RIMS1: variants seen among roughly 807,000 people sequenced by gnomAD.
The protein encoded by RIMS1 is regulating synaptic membrane exocytosis 1, also known as regulating synaptic membrane exocytosis protein 1.
Under a neutral mutation model 214.1 loss-of-function variants are expected in RIMS1, and 83 were observed. The observed-to-expected ratio is 0.39, with a 90% CI of 0.32 to 0.47. The LOEUF is 0.47. Ranked by LOEUF, RIMS1 falls within the 20% of genes least tolerant of loss-of-function variation. The probability of loss-of-function intolerance (pLI) is 0.99; values close to 1 mark genes in which losing one functional copy is unlikely to be tolerated. For missense variants in RIMS1, 2,050 were observed against 2,161.8 expected (o/e 0.95, Z 1.03); for synonymous variants, 793 against 786.8 (o/e 1.01, Z -0.13).
chr6:72,375,847 C>T (rs1172581305), intron 29 of RIMS1, among the ~76,000 whole-genome samples: 1 of 152,156 alleles, frequency 6.6e-6, no homozygotes, highest in African/African-American at 2.4e-5. Context: ...TGTTTGTAAT[C>T]TTTGCCTACT....
chr6:72,047,243 C>T (rs1823329654), intron 2 of RIMS1, among the ~76,000 whole-genome samples: 1 of 152,138 alleles, frequency 6.6e-6, no homozygotes, highest in African/African-American at 2.4e-5. Flanking sequence ...ATAAGCTCAT[C>T]AGACATAACT....
intron 1 of RIMS1, among the ~76,000 whole-genome samples, chr6:71,952,020 G>C (rs936543139): frequency 3.3e-5 from 5 of 152,300 alleles, no homozygotes; most frequent in Admixed American, 2.0e-4. Context: ...CAGATGAAGT[G>C]TTAAAAGACA....
chr6:72,182,193 A>T (rs2048500039), intron 5 of RIMS1, 91 bp from the exon 6 acceptor site: 20 of 1,352,544 alleles, frequency 1.5e-5, no homozygotes, highest in Non-Finnish European at 2.0e-5. Flanking sequence ...ATTGTAACTG[A>T]AATGATTTAA....
intron 4 of RIMS1, among the ~76,000 whole-genome samples, chr6:72,145,328 T>A (rs1298709916): frequency 6.6e-6 from 1 of 152,112 alleles, no homozygotes; most frequent in Non-Finnish European, 1.5e-5. Flanking sequence ...GAAAGTGACA[T>A]TTTTGGCCAG....
At chr6:72,210,383 C>T (rs977208441) in intron 6 of RIMS1, among the ~76,000 whole-genome samples, 2 of 152,116 alleles carry the variant, frequency 1.3e-5, no homozygotes, top group Non-Finnish European at 2.9e-5. Flanking sequence ...TGGTAACGTG[C>T]CTTGTTATTT....
At chr6:72,215,335 A>G (rs924704145) in intron 6 of RIMS1, among the ~76,000 whole-genome samples, 1 of 152,196 alleles carries the variant, frequency 6.6e-6, no homozygotes, top group African/African-American at 2.4e-5. Flanking sequence ...TGCACCTCCA[A>G]CAAGTCACGA....
chr6:71,948,033 GATAA>G (rs1403832335), intron 1 of RIMS1, among the ~76,000 whole-genome samples: 1 of 152,012 alleles, frequency 6.6e-6, no homozygotes, highest in Admixed American at 6.6e-5. Context: ...ATTCAAGGTG[GATAA>G]ATGAATGTGT....
At chr6:72,233,548 A>G (rs1017446205) in intron 6 of RIMS1, among the ~76,000 whole-genome samples, 2 of 149,594 alleles carry the variant, frequency 1.3e-5, no homozygotes, top group Admixed American at 6.7e-5. Context: ...AGACTGATTT[A>G]TGAGAGAAAA....
At chr6:71,948,297 A>T (rs1406944657) in intron 1 of RIMS1, among the ~76,000 whole-genome samples, 1 of 152,132 alleles carries the variant, frequency 6.6e-6, no homozygotes, top group Non-Finnish European at 1.5e-5. Flanking sequence ...ACTTGCTAGG[A>T]TTATGCTTCT....
chr6:72,303,817 T>TA (rs1209579276), intron 26 of RIMS1, among the ~76,000 whole-genome samples: 1 of 151,530 alleles, frequency 6.6e-6, no homozygotes, highest in Non-Finnish European at 1.5e-5. Context: ...ATAAGGCACA[T>TA]AATTCAGTTG....
chr6:72,216,414 C>G (rs2056051623), intron 6 of RIMS1: 1 of 984,274 alleles, frequency 1.0e-6, no homozygotes, highest in Non-Finnish European at 1.2e-6. Flanking sequence ...TGGAGATGAG[C>G]CACCGTTAGC....
At chr6:72,252,643 G>A in intron 15 of RIMS1, 118 bp from the exon 16 acceptor site, 1 of 757,132 alleles carries the variant, frequency 1.3e-6, no homozygotes, top group South Asian at 1.5e-5. Flanking sequence ...TACTGTATTA[G>A]TCTTCATAAG....
At position 72,159,086 on chromosome 6, in the gene RIMS1, A is replaced by C. The variant is rs1316930189; in HGVS notation, c.472-20489A>C. Among the ~76,000 whole-genome samples the C allele has an allele frequency of 1.4e-5, 2 of 140,414 alleles. 1 individual carries two copies. The highest frequency in any genetic ancestry group is 3.2e-5 in the Non-Finnish European group (2 of 61,768). The allele number at this position is 140,414 out of a possible 152,430, so 92.1% of individuals were successfully genotyped here. On this transcript the variant is annotated intron_variant, in intron 4 of 33. Coordinates refer to ENST00000521978, the MANE Select transcript of RIMS1 (RefSeq NM_014989.7). ...TGTTTCCTGACTTTCTAATGATCGC[A>C]ATTCTAACTGGTGTGAGATGGTATC...
chr6:72,311,172 A>G (rs1447555128), intron 27 of RIMS1, among the ~76,000 whole-genome samples: 1 of 152,208 alleles, frequency 6.6e-6, no homozygotes, highest in Non-Finnish European at 1.5e-5. Flanking sequence ...AACAGGGATT[A>G]TTTCATATTC....
At chr6:72,285,317 A>G (rs1300179299) in intron 24 of RIMS1, among the ~76,000 whole-genome samples, 8 of 152,154 alleles carry the variant, frequency 5.3e-5, no homozygotes, top group Non-Finnish European at 1.2e-4. Flanking sequence ...GGCTATCTCA[A>G]TAGGCCTAGT....
intron 1 of RIMS1, among the ~76,000 whole-genome samples, chr6:71,914,590 G>C (rs1325561038): frequency 2.0e-5 from 3 of 152,032 alleles, no homozygotes; most frequent in Non-Finnish European, 4.4e-5. Flanking sequence ...TTTATATTTA[G>C]AGTAATTCAG....
chr6:72,338,230 C>A (rs2096915587), intron 29 of RIMS1, among the ~76,000 whole-genome samples: 1 of 151,842 alleles, frequency 6.6e-6, no homozygotes, highest in Non-Finnish European at 1.5e-5. Context: ...GTTCCTATTT[C>A]TCCACATCCT....
chr6:71,957,175 G>A (rs537884045), intron 1 of RIMS1, among the ~76,000 whole-genome samples: 2 of 152,200 alleles, frequency 1.3e-5, no homozygotes, highest in African/African-American at 4.8e-5. Flanking sequence ...TTAGGTCTCT[G>A]GAATATATGC....
At position 72,183,161 on chromosome 6, in the gene RIMS1, G is replaced by A; in HGVS notation, c.1678+12G>A. On this transcript the variant is annotated intron_variant, in intron 6 of 33. Coordinates refer to ENST00000521978, the MANE Select transcript of RIMS1 (RefSeq NM_014989.7). ...CGTCAGCGAGAAAGGTAAGGGGGCG[G>A]CGCCGGCCGTGCGGGGACTTCAGCC... 1 of 1,586,300 alleles carries A rather than the reference G, an allele frequency of 6.3e-7. No individual in the cohort carries two copies. Among genetic ancestry groups the A allele is most frequent in the African/African-American group, 1.3e-5 (1 of 74,628 alleles).
Sources: allele counts gnomAD v4.1 joint callset (sites outside exome capture counted in the v4.1 genomes callset), GRCh38; gene constraint gnomAD v4.1.1; transcripts MANE v1.5; gene names NCBI Gene and HGNC (gene_info 2026-07-23, HGNC 2026-07-21).